Variants in ERMP1 observed in about 807,000 individuals in gnomAD.
ERMP1 encodes the protein Felix-ina.
ERMP1 carries 86 observed loss-of-function variants against 92.0 expected under a neutral mutation model. That is an observed-to-expected ratio of 0.93 (90% CI 0.79 to 1.12). ERMP1 has a LOEUF of 1.12. Ranked by LOEUF, ERMP1 falls within the 50% of genes most tolerant of loss-of-function variation. The pLI is 0.00. For synonymous variants in ERMP1, 530 were observed against 412.8 expected, an observed-to-expected ratio of 1.28 and a Z score of -3.44; for missense variants, 1,342 against 1,116.3, an observed-to-expected ratio of 1.20 and a Z score of -2.88.
chr9:5,827,873 G>A (rs532253561), intron 2 of ERMP1, among the ~76,000 whole-genome samples: 4 of 152,278 alleles, frequency 2.6e-5, no homozygotes, highest in African/African-American at 9.6e-5. Flanking sequence ...AGCTACTCGG[G>A]AGGCTGAGGC....
chr9:5,845,047 G>A (rs952942115), intron 6 of ERMP1, among the ~76,000 whole-genome samples: 3 of 151,998 alleles, frequency 2.0e-5, no homozygotes, highest in Admixed American at 2.0e-4. Context: ...TCTTCCTTGG[G>A]GCAGTATAGG....
chr9:5,845,378 C>T (rs1416498053), intron 6 of ERMP1, among the ~76,000 whole-genome samples: 1 of 151,988 alleles, frequency 6.6e-6, no homozygotes, highest in Non-Finnish European at 1.5e-5. Context: ...GCCTGGGCAA[C>T]ATAGCAAGAC....
chr9:5,787,560 T>G lies in ERMP1; in HGVS notation c.2420A>C (p.His807Pro), dbSNP rs982099327. ...PSHMSFYVRA[H>P]KGSTLSQWSL... The stretch of plus-strand genomic sequence containing the variant: ...CCACTGAGAAAGTGTTGACCCTTTG[T>G]GGGCTCGAACATAGAAGGACATATG... Residue 807 changes from histidine to proline, a missense_variant, in exon 14 of 15, where the codon CAC (histidine) becomes CCC (proline). Physicochemically the swap from His to Pro is moderately conservative, Grantham distance 77. Transcript: ENST00000339450. The G allele has an allele frequency of 1.2e-6, 2 of 1,613,938 alleles. No individual in the cohort carries two copies. Among genetic ancestry groups the G allele is most frequent in the Non-Finnish European group, 1.7e-6 (2 of 1,179,914 alleles).
At position 5,812,799 on chromosome 9, in the gene ERMP1, A is replaced by G. The variant is rs116215696; in HGVS notation, c.1021+90T>C. On this transcript the variant is annotated intron_variant, in intron 5 of 14. Transcript: ENST00000339450. ...CTCACATAAAGAATTTGATCTCAGA[A>G]AATGCTGTTTACTCACATACTTTCA... 1.5e-3 allele frequency: 2,135 copies of G among 1,395,380 alleles called. 32 individuals are homozygous for G. In the African/African-American group the frequency reaches 0.027, roughly 18 times the overall value. 86.4% of individuals were successfully genotyped at this position (1,395,380 alleles called of 1,614,324 possible). A position where few individuals can be genotyped will look rare whatever the true frequency, so the allele number is the denominator to read the frequency against.
At chr9:5,815,223 C>T (rs1829255265) in intron 4 of ERMP1, among the ~76,000 whole-genome samples, 1 of 152,088 alleles carries the variant, frequency 6.6e-6, no homozygotes, top group Admixed American at 6.5e-5. Context: ...GTATCTGGCA[C>T]CATTTACTTT....
intron 13 of ERMP1, among the ~76,000 whole-genome samples, chr9:5,795,295 A>G (rs1337783437): frequency 6.6e-6 from 1 of 152,244 alleles, no homozygotes; most frequent in African/African-American, 2.4e-5. Context: ...CAACATACTC[A>G]GTGGTAAGAA....
chr9:5,840,776 C>G lies in ERMP1; in HGVS notation n.3200-7464G>C, dbSNP rs1350453832. Among the ~76,000 whole-genome samples, 8 of 152,202 alleles carry G rather than the reference C, an allele frequency of 5.3e-5. No individual in the cohort carries two copies. The East Asian group carries it at 1.5e-3, about 29-fold the overall frequency. On this transcript the variant is annotated intron_variant and non_coding_transcript_variant, in intron 6 of 6. Transcript: ENST00000690753. ...GAGGCCCTAGATCAGGAGACCTGTG[C>G]CAGCTGTTGCTATTATTCTGTGGTT... is the stretch of plus-strand genomic sequence containing the variant.
At chr9:5,855,563 C>A (rs1478502419) in intron 6 of ERMP1, among the ~76,000 whole-genome samples, 1 of 152,230 alleles carries the variant, frequency 6.6e-6, no homozygotes, top group African/African-American at 2.4e-5. Context: ...GCCTGAGTTG[C>A]TTTCTTGTGG....
chr9:5,825,778 G>A (rs1056293237), intron 2 of ERMP1, among the ~76,000 whole-genome samples: 3 of 152,172 alleles, frequency 2.0e-5, no homozygotes, highest in African/African-American at 7.2e-5. Flanking sequence ...AATCTAGTAA[G>A]TCACAGGAAA....
chr9:5,833,936 C>T (rs1233920392), upstream of ERMP1, among the ~76,000 whole-genome samples: 2 of 152,186 alleles, frequency 1.3e-5, no homozygotes. Flanking sequence ...CTTGCCGGTA[C>T]CCATGAGCCT....
intron 13 of ERMP1, among the ~76,000 whole-genome samples, chr9:5,797,613 A>C (rs1207639054): frequency 6.7e-6 from 1 of 149,880 alleles, no homozygotes; most frequent in African/African-American, 2.5e-5. Flanking sequence ...GTACCACTGC[A>C]CTCTAGCCTG....
intron 1 of ERMP1, 64 bp downstream of exon 1, chr9:5,832,626 C>T: frequency 6.3e-6 from 8 of 1,276,544 alleles, no homozygotes; most frequent in Non-Finnish European, 8.1e-6. Flanking sequence ...GGTGCGGTGC[C>T]CCGGAGCCTG....
chr9:5,846,819 C>T (rs114492482), intron 6 of ERMP1, among the ~76,000 whole-genome samples: 43 of 152,128 alleles, frequency 2.8e-4, no homozygotes, highest in Non-Finnish European at 4.4e-4. Flanking sequence ...GACATTTCCC[C>T]GTTCTATTTG....
intron 4 of ERMP1, among the ~76,000 whole-genome samples, chr9:5,819,179 T>C (rs925006942): frequency 6.6e-6 from 1 of 152,138 alleles, no homozygotes; most frequent in Non-Finnish European, 1.5e-5. Context: ...TATCCATCGA[T>C]GGATGAATGG....
rs1327893979 is a variant in ERMP1, at chr9:5,797,947, A to C, written c.2271-15T>G. 1.3e-6 allele frequency: 2 copies of C among 1,540,298 alleles called. No individual in the cohort carries two copies. Among genetic ancestry groups the C allele is most frequent in the Admixed American group, 3.4e-5 (2 of 59,564 alleles). On this transcript the variant is annotated splice_polypyrimidine_tract_variant and intron_variant, in intron 12 of 14. Coordinates refer to ENST00000339450, the MANE Select transcript of ERMP1 (RefSeq NM_024896.3). ...ACCAGTTTTTCCTATTTAGAAAGGA[A>C]GCTTCAGTTTTAGGGTGCTTTATTA...
chr9:5,841,086 G>A (rs892479998), intron 6 of ERMP1, among the ~76,000 whole-genome samples: 1 of 152,160 alleles, frequency 6.6e-6, no homozygotes, highest in Non-Finnish European at 1.5e-5. Context: ...TTGCAGGTAT[G>A]TACCTCTTTA....
intron 2 of ERMP1, among the ~76,000 whole-genome samples, chr9:5,828,508 C>T (rs577199222): frequency 6.6e-6 from 1 of 152,346 alleles, no homozygotes; most frequent in South Asian, 2.1e-4. Context: ...TACTAACTAA[C>T]CTTTCTCTAC....
At position 5,786,668 on chromosome 9, in the gene ERMP1, C is replaced by T. The variant is rs955094304; in HGVS notation, c.*476G>A. On this transcript the variant is annotated 3_prime_UTR_variant, in exon 15 of 15. Coordinates refer to ENST00000339450, the MANE Select transcript of ERMP1 (RefSeq NM_024896.3). ...CTCCCAGCCCTATGGCAATCACTTT[C>T]CAGTGACCTACACAGAGTTATATTC... 2.6e-5 allele frequency: 4 copies of T among 156,782 alleles called. No homozygotes were observed. The highest frequency in any genetic ancestry group is 5.7e-5 in the Non-Finnish European group (4 of 70,778). The allele number at this position is 156,782 out of a possible 1,614,324, so 9.7% of individuals were successfully genotyped here.
At chr9:5,789,485 C>G (rs1828082455) in intron 13 of ERMP1, among the ~76,000 whole-genome samples, 1 of 152,248 alleles carries the variant, frequency 6.6e-6, no homozygotes. Flanking sequence ...ATGAGCCCTT[C>G]TTCAGAAACA....
Sources: gnomAD v4.1 joint callset for allele counts (sites outside exome capture counted in the v4.1 genomes callset) on GRCh38, gnomAD v4.1.1 for gene constraint, MANE v1.5 for transcripts, NCBI Gene and HGNC (gene_info 2026-07-23, HGNC 2026-07-21) for gene names.